EMILIN2: variants seen among roughly 807,000 people sequenced by gnomAD.
EMILIN2 encodes the protein elastin microfibril interfacer 2.
EMILIN2 carries 71 observed loss-of-function variants against 87.1 expected under a neutral mutation model. The ratio of observed to expected loss-of-function variants is 0.82; its 90% CI spans 0.67 to 0.99. The LOEUF (loss-of-function observed/expected upper bound fraction) is 0.99, where lower values mean the gene tolerates loss of function less well. Ranked by LOEUF, EMILIN2 falls within the 50% of genes least tolerant of loss-of-function variation. The pLI, the probability that EMILIN2 is intolerant of heterozygous loss-of-function variation, is 0.00. For missense variants in EMILIN2, 1,407 were observed against 1,371.8 expected, an observed-to-expected ratio of 1.03 and a Z score of -0.40; for synonymous variants, 581 against 563.4, an observed-to-expected ratio of 1.03 and a Z score of -0.44.
intron 2 of EMILIN2, among the ~76,000 whole-genome samples, chr18:2,865,974 T>C (rs2076684663): frequency 6.6e-6 from 1 of 152,226 alleles, no homozygotes; most frequent in Admixed American, 6.5e-5. Context: ...GTGCTAGCAA[T>C]GAGCGAGGCT....
rs1005276326 is a variant in EMILIN2 at position 2,894,855 on chromosome 18, A to G, written c.2359+2369A>G. Among the ~76,000 whole-genome samples, 2 of 152,160 alleles carry G rather than the reference A, an allele frequency of 1.3e-5. No homozygotes were observed. The highest frequency in any genetic ancestry group is 4.1e-4 in the South Asian group (2 of 4,828). On this transcript the variant is annotated intron_variant, in intron 4 of 7. Coordinates refer to ENST00000254528, the MANE Select transcript of EMILIN2 (RefSeq NM_032048.3). The surrounding 1 kb of genome is among the most constrained non-coding windows in gnomAD (Gnocchi z 5.0). ...TGGGAGAATCTGGAGCTAAGGTCAC[A>G]ATGAAAGTGACATGTCAATCAGTTA... is the stretch of plus-strand genomic sequence containing the variant.
chr18:2,857,235 A>G (rs9956951), intron 2 of EMILIN2, among the ~76,000 whole-genome samples: 3,049 of 152,180 alleles, frequency 0.02, 119 homozygotes, highest in African/African-American at 0.068. Context: ...TTTTAAGTGG[A>G]TCATTTCAAT....
intron 3 of EMILIN2, among the ~76,000 whole-genome samples, chr18:2,887,567 C>G (rs147381311): frequency 6.6e-6 from 1 of 152,160 alleles, no homozygotes; most frequent in Non-Finnish European, 1.5e-5. Context: ...CTCTCGCTCC[C>G]TCTCTTACCA....
At chr18:2,852,378 C>A (rs1162416478) in intron 2 of EMILIN2, among the ~76,000 whole-genome samples, 1 of 152,204 alleles carries the variant, frequency 6.6e-6, no homozygotes, top group Non-Finnish European at 1.5e-5. Flanking sequence ...AGGACTTCCA[C>A]ATGTATGTTC....
At chr18:2,903,801 C>A (rs372799721) in intron 4 of EMILIN2, among the ~76,000 whole-genome samples, 285 of 152,260 alleles carry the variant, frequency 1.9e-3, no homozygotes, top group African/African-American at 6.2e-3. Flanking sequence ...GACCTCCCTC[C>A]TGGAATTCTT....
chr18:2,867,915 C>T (rs1222725285), intron 2 of EMILIN2, among the ~76,000 whole-genome samples: 1 of 152,212 alleles, frequency 6.6e-6, no homozygotes, highest in African/African-American at 2.4e-5. Flanking sequence ...CCTCACTTCC[C>T]AGTAGGGGCG....
rs148159006 is a variant in EMILIN2, at chr18:2,856,480, C to T, written c.257+8549C>T. ...CCAATCCCCAGGTGATCTATCCCAC[C>T]GCCCCTAATGTGTTCCTTGAATTCT... On this transcript the variant is annotated intron_variant, in intron 2 of 7. Transcript: ENST00000254528. 1.8e-3 allele frequency among the ~76,000 whole-genome samples: 272 copies of T among 152,212 alleles called. 2 individuals carry two copies. Among genetic ancestry groups the T allele is most frequent in the African/African-American group, 5.8e-3 (241 of 41,526 alleles).
rs2076836901 is a variant in EMILIN2 at position 2,891,602 on chromosome 18, A to G, written c.1475A>G (p.Gln492Arg). Residue 492 changes from glutamine to arginine, a missense_variant, in exon 4 of 8, where the codon CAG (glutamine) becomes CGG (arginine). By Grantham distance (43) the Gln-to-Arg change is conservative (BLOSUM62 1). Coordinates refer to ENST00000254528, the MANE Select transcript of EMILIN2 (RefSeq NM_032048.3). The surrounding 1 kb of genome is among the most constrained non-coding windows in gnomAD (Gnocchi z 4.6). The stretch of plus-strand genomic sequence containing the variant: ...GGTGACTTGAAGCAGCTTGTTGATC[A>G]GAAAATACAGTCTCTGGAAGACCGT... ...EVGDLKQLVD[Q>R]KIQSLEDRLG... 1 of 1,614,104 alleles carries G rather than the reference A, an allele frequency of 6.2e-7. No homozygotes were observed. The highest frequency in any genetic ancestry group is 8.5e-7 in the Non-Finnish European group (1 of 1,180,036).
At chr18:2,883,950 T>C in intron 2 of EMILIN2, among the ~76,000 whole-genome samples, 1 of 152,050 alleles carries the variant, frequency 6.6e-6, no homozygotes, top group East Asian at 1.9e-4. Context: ...CAGGGATGTT[T>C]CTTTCTTTCT....
Position 2,860,881 on chromosome 18 carries a change from A to G in EMILIN2, c.257+12950A>G, listed in dbSNP as rs9950194. Among the ~76,000 whole-genome samples, 447 of 152,262 alleles carry G rather than the reference A, an allele frequency of 2.9e-3. 1 individual carries two copies. Among genetic ancestry groups the G allele is most frequent in the African/African-American group, 9.8e-3 (406 of 41,542 alleles). On this transcript the variant is annotated intron_variant, in intron 2 of 7. Coordinates refer to ENST00000254528, the MANE Select transcript of EMILIN2 (RefSeq NM_032048.3). Reference sequence around the variant, plus strand: ...AGTGTAAAAGTGTTCCTATTTCTCCACATCCTCTCCAGCACCTGTTGTTTC... The same window carrying G: ...AGTGTAAAAGTGTTCCTATTTCTCCGCATCCTCTCCAGCACCTGTTGTTTC...
intron 2 of EMILIN2, among the ~76,000 whole-genome samples, chr18:2,877,661 C>T (rs948031558): frequency 6.6e-6 from 1 of 151,614 alleles, no homozygotes; most frequent in Non-Finnish European, 1.5e-5. Flanking sequence ...ACCTGTAATC[C>T]CAGCTACTCA....
chr18:2,848,141 G>A lies in EMILIN2; in HGVS notation c.257+210G>A, dbSNP rs1176907332. Among the ~76,000 whole-genome samples the A allele has an allele frequency of 1.3e-5, 2 of 152,220 alleles. No individual in the cohort carries two copies. Among genetic ancestry groups the A allele is most frequent in the Non-Finnish European group, 2.9e-5 (2 of 68,034 alleles). On this transcript the variant is annotated intron_variant, in intron 2 of 7. Transcript: ENST00000254528. This position sits in a 1 kb window ranked among gnomAD's most constrained non-coding sequence, Gnocchi z 4.1. ...GGGTGCTGCCCGAGTGAGTGGGGAGGATGCGCGCGCCTCGGGAGTGTGGGG... is the reference window on the plus strand; with the variant it reads ...GGGTGCTGCCCGAGTGAGTGGGGAGAATGCGCGCGCCTCGGGAGTGTGGGG...
At chr18:2,909,355 TGCCTG>T (rs2076929934) in intron 6 of EMILIN2, among the ~76,000 whole-genome samples, 1 of 152,248 alleles carries the variant, frequency 6.6e-6, no homozygotes, top group African/African-American at 2.4e-5. Context: ...ATGCACCCAC[TGCCTG>T]GCCTGGCCTC....
Position 2,892,199 on chromosome 18 carries a change from G to A in EMILIN2, c.2072G>A (p.Cys691Tyr). 6.2e-7 allele frequency: 1 copy of A among 1,607,264 alleles called. No individual in the cohort carries two copies. Among genetic ancestry groups the A allele is most frequent in the African/African-American group, 1.3e-5 (1 of 74,878 alleles). ...TCGGAGCTGGATGCTTGTAAGGAATGCACGCAGGGGGTCCAGAGGGAGGTC... is the reference window on the plus strand; with the variant it reads ...TCGGAGCTGGATGCTTGTAAGGAATACACGCAGGGGGTCCAGAGGGAGGTC... ...VISELDACKE[C>Y]TQGVQREVSM... Residue 691 changes from cysteine (C) to tyrosine (Y), a missense_variant, in exon 4 of 8, where the codon TGC (cysteine) becomes TAC (tyrosine). By Grantham distance (194) the Cys-to-Tyr change is radical (BLOSUM62 -2). Transcript: ENST00000254528.
In EMILIN2 at chr18:2,847,467, C is replaced by T. The variant is rs918715880; in HGVS notation, c.134+145C>T. 5 of 988,312 alleles carry T rather than the reference C, an allele frequency of 5.1e-6. No homozygotes were observed. The highest frequency in any genetic ancestry group is 6.6e-6 in the Non-Finnish European group (5 of 756,640). 61.2% of individuals were successfully genotyped at this position (988,312 alleles called of 1,614,324 possible). A position where few individuals can be genotyped will look rare whatever the true frequency, so the allele number is the denominator to read the frequency against. ...CCGGGCGGCTCCCTCTGCGGGGGAC[C>T]GCGCGCTCCGCAGCCGGCGCCTCAG... On this transcript the variant is annotated intron_variant, in intron 1 of 7. Transcript: ENST00000254528. This position sits in a 1 kb window ranked among gnomAD's most constrained non-coding sequence, Gnocchi z 4.5.
intron 2 of EMILIN2, among the ~76,000 whole-genome samples, chr18:2,875,044 G>C (rs967983015): frequency 2.6e-5 from 4 of 152,336 alleles, no homozygotes; most frequent in African/African-American, 9.6e-5. Context: ...AGTGTGGCTG[G>C]AGGATGTGGC....
At chr18:2,888,166 A>T (rs1391980073) in intron 3 of EMILIN2, among the ~76,000 whole-genome samples, 3 of 152,102 alleles carry the variant, frequency 2.0e-5, no homozygotes. Flanking sequence ...TTTTGCACTC[A>T]TTTCTGATTA....
At chr18:2,907,109 A>C (rs941719935) in intron 5 of EMILIN2, 24 bp downstream of exon 5, 3 of 1,232,108 alleles carry the variant, frequency 2.4e-6, no homozygotes, top group Non-Finnish European at 3.0e-6. Flanking sequence ...CTGCGCGGGG[A>C]GGAGCGCGGG....
In EMILIN2 at chr18:2,913,085, A is replaced by T; in HGVS notation, c.2843A>T (p.Tyr948Phe). ...NPSTGVFTAP[Y>F]DGRYLITATL... ...CCCGCAGGGGTCTTCACGGCTCCTT[A>T]TGATGGGCGCTACCTGATCACGGCC... Residue 948 changes from tyrosine to phenylalanine, a missense_variant, in exon 8 of 8, where the codon TAT (tyrosine) becomes TTT (phenylalanine). Transcript: ENST00000254528. 2 of 1,610,686 alleles carry T rather than the reference A, an allele frequency of 1.2e-6. No individual in the cohort carries two copies. Among genetic ancestry groups the T allele is most frequent in the East Asian group, 2.2e-5 (1 of 44,866 alleles).
Sources: allele counts gnomAD v4.1 joint callset (sites outside exome capture counted in the v4.1 genomes callset), GRCh38; gene constraint gnomAD v4.1.1; non-coding constraint Gnocchi (gnomAD v3.1); transcripts MANE v1.5; gene names NCBI Gene and HGNC (gene_info 2026-07-23, HGNC 2026-07-21).